PLD5: variants seen among roughly 807,000 people sequenced by gnomAD.
The protein encoded by PLD5 is inactive phospholipase D5.
A neutral mutation model predicts 61.1 loss-of-function variants in PLD5; 36 were observed. The ratio of observed to expected loss-of-function variants is 0.59; its 90% CI spans 0.45 to 0.78. The LOEUF is 0.78. Ranked by LOEUF, PLD5 falls within the 30% of genes least tolerant of loss-of-function variation. The pLI, the probability that PLD5 is intolerant of heterozygous loss-of-function variation, is 0.00. For synonymous variants in PLD5, 243 were observed against 242.8 expected, an observed-to-expected ratio of 1.00 and a Z score of -0.01; for missense variants, 515 against 644.4, an observed-to-expected ratio of 0.80 and a Z score of 2.17.
At chr1:242,186,724 T>C (rs985484009) in intron 5 of PLD5, among the ~76,000 whole-genome samples, 2 of 152,192 alleles carry the variant, frequency 1.3e-5, no homozygotes, top group Non-Finnish European at 2.9e-5. Flanking sequence ...AAAAGCCCCA[T>C]AAGACAGTAT....
intron 4 of PLD5, among the ~76,000 whole-genome samples, chr1:242,244,521 G>A (rs150667265): frequency 6.6e-6 from 1 of 152,314 alleles, no homozygotes; most frequent in Non-Finnish European, 1.5e-5. Flanking sequence ...GCCAAGTATT[G>A]GCTTTAAATG....
At chr1:242,197,548 C>T (rs1272849720) in intron 5 of PLD5, among the ~76,000 whole-genome samples, 1 of 152,150 alleles carries the variant, frequency 6.6e-6, no homozygotes, top group Non-Finnish European at 1.5e-5. Flanking sequence ...CAGTTCCTCT[C>T]CATGAATCCT....
chr1:242,485,319 C>G (rs145217443), intron 1 of PLD5, among the ~76,000 whole-genome samples: 1 of 152,106 alleles, frequency 6.6e-6, no homozygotes, highest in Non-Finnish European at 1.5e-5. Flanking sequence ...AAAACCCCAT[C>G]GTCTCAGCCC....
intron 1 of PLD5, among the ~76,000 whole-genome samples, chr1:242,384,277 G>A (rs2149258584): frequency 6.6e-6 from 1 of 152,304 alleles, no homozygotes; most frequent in East Asian, 1.9e-4. Context: ...AAAGGTGAAA[G>A]AAACTACAGG....
At chr1:242,370,574 T>C (rs1243105213) in intron 1 of PLD5, among the ~76,000 whole-genome samples, 2 of 152,304 alleles carry the variant, frequency 1.3e-5, no homozygotes, top group Middle Eastern at 3.4e-3. Context: ...AGTAGACCAG[T>C]TCTGGTGTCT....
At chr1:242,096,690 T>G (rs1287247796) in intron 9 of PLD5, among the ~76,000 whole-genome samples, 1 of 151,524 alleles carries the variant, frequency 6.6e-6, no homozygotes, top group Admixed American at 6.6e-5. Context: ...TTTGTTTTTT[T>G]TTTTTTTTAG....
At chr1:242,470,383 A>AAAAAAAAGAAAG (rs1667415588) in intron 1 of PLD5, among the ~76,000 whole-genome samples, 1 of 83,584 alleles carries the variant, frequency 1.2e-5, no homozygotes, top group Admixed American at 1.5e-4. Context: ...AGAAAGAAAA[A>AAAAAAAAGAAAG]AAAGAAAGAA....
chr1:242,363,435 T>C (rs1423719697), intron 1 of PLD5, among the ~76,000 whole-genome samples: 1 of 144,758 alleles, frequency 6.9e-6, no homozygotes, highest in Admixed American at 7.0e-5. Context: ...CTGGGCAACA[T>C]GGTGAGACCC....
At chr1:242,371,556 C>T (rs901372865) in intron 1 of PLD5, among the ~76,000 whole-genome samples, 2 of 152,038 alleles carry the variant, frequency 1.3e-5, no homozygotes, top group African/African-American at 2.4e-5. Context: ...TCTCTCTGGA[C>T]CTCCTTTATT....
chr1:242,521,826 T>C (rs943837751), intron 1 of PLD5, among the ~76,000 whole-genome samples: 5 of 152,214 alleles, frequency 3.3e-5, no homozygotes, highest in Non-Finnish European at 2.9e-5. Flanking sequence ...TCATGCTTTC[T>C]GTAGCAATGA....
chr1:242,396,733 C>T (rs188308146), intron 1 of PLD5, among the ~76,000 whole-genome samples: 5 of 142,102 alleles, frequency 3.5e-5, no homozygotes, highest in African/African-American at 1.1e-4. Flanking sequence ...AGTGCAGTGG[C>T]GTAATCTTGG....
chr1:242,449,208 T>C, intron 1 of PLD5: 1 of 967,816 alleles, frequency 1.0e-6, no homozygotes, highest in East Asian at 2.6e-5. Context: ...AGAGTGTTCC[T>C]GCCCTTCTCA....
intron 5 of PLD5, among the ~76,000 whole-genome samples, chr1:242,169,157 C>G (rs1666556651): frequency 6.6e-6 from 1 of 151,916 alleles, no homozygotes; most frequent in Non-Finnish European, 1.5e-5. Flanking sequence ...GAAAGATGGT[C>G]AAATAGGAAC....
chr1:242,137,294 T>C (rs1247519212), intron 5 of PLD5, among the ~76,000 whole-genome samples: 1 of 152,208 alleles, frequency 6.6e-6, no homozygotes, highest in Non-Finnish European at 1.5e-5. Flanking sequence ...AAATCCCCAG[T>C]AACCCTTTAT....
chr1:242,292,086 T>A (rs1675400663), intron 2 of PLD5, among the ~76,000 whole-genome samples: 1 of 151,976 alleles, frequency 6.6e-6, no homozygotes. Context: ...TTGATGTACC[T>A]CGAGGCCTTC....
In PLD5 at chr1:242,143,776, T is replaced by C. The variant is rs376816784; in HGVS notation, c.736-19111A>G. Among the ~76,000 whole-genome samples the C allele has an allele frequency of 5.4e-4, 82 of 152,234 alleles. 2 individuals carry two copies. The South Asian group carries it at 0.016, about 30-fold the overall frequency. On this transcript the variant is annotated intron_variant, in intron 5 of 9. Coordinates refer to ENST00000536534, the MANE Select transcript of PLD5 (RefSeq NM_001372062.1). ...TAAACACATGACTAGAGGGGGCTGA[T>C]ACTGAACCAGGAAGCATATGCCCCA... is the stretch of plus-strand genomic sequence containing the variant.
At chr1:242,133,553 G>A (rs1663473129) in intron 5 of PLD5, among the ~76,000 whole-genome samples, 2 of 152,096 alleles carry the variant, frequency 1.3e-5, no homozygotes, top group South Asian at 2.1e-4. Flanking sequence ...ATGACAAAAG[G>A]GGAAGTGACT....
At chr1:242,342,170 T>C (rs1289238791) in intron 2 of PLD5, among the ~76,000 whole-genome samples, 1 of 152,224 alleles carries the variant, frequency 6.6e-6, no homozygotes, top group Non-Finnish European at 1.5e-5. Flanking sequence ...TGACTGGTTC[T>C]GTGTGTATTT....
chr1:242,480,428 C>A (rs1667734728), intron 1 of PLD5, among the ~76,000 whole-genome samples: 1 of 152,004 alleles, frequency 6.6e-6, no homozygotes, highest in Non-Finnish European at 1.5e-5. Flanking sequence ...ATTGAAGGAG[C>A]AACTTTGGGG....
Sources: allele counts gnomAD v4.1 joint callset (sites outside exome capture counted in the v4.1 genomes callset), GRCh38; gene constraint gnomAD v4.1.1; transcripts MANE v1.5; gene names NCBI Gene and HGNC (gene_info 2026-07-23, HGNC 2026-07-21).